Variants in CPT2 observed in about 807,000 individuals in gnomAD.
The protein encoded by CPT2 is carnitine palmitoyltransferase 2.
A neutral mutation model predicts 48.6 loss-of-function variants in CPT2; 37 were observed. The observed-to-expected ratio is 0.76, with a 90% CI of 0.59 to 1.00. CPT2 has a LOEUF of 1.00. CPT2 is among the 50% of genes least tolerant of loss of function. The pLI is 0.00. For synonymous variants in CPT2, 319 were observed against 326.9 expected, an observed-to-expected ratio of 0.98 and a Z score of 0.26; for missense variants, 772 against 825.6, an observed-to-expected ratio of 0.94 and a Z score of 0.80.
Position 53,210,018 on chromosome 1 carries a change from C to G in CPT2, c.344C>G (p.Pro115Arg). The G allele has an allele frequency of 1.2e-6, 2 of 1,612,378 alleles. No homozygotes were observed. The highest frequency in any genetic ancestry group is 1.7e-6 in the Non-Finnish European group (2 of 1,179,010). Residue 115 changes from proline (P) to arginine (R), a missense_variant, in exon 4 of 5, where the codon CCC (proline) becomes CGC (arginine). Pro to Arg is a moderately radical substitution (Grantham distance 103). Coordinates refer to ENST00000371486, the MANE Select transcript of CPT2 (RefSeq NM_000098.3). ...QNKHTSYISG[P>R]WFDMYLSARD... ...TTTTTTTCTTTTTATTTTTTAGGACCCTGGTTTGATATGTACCTATCTGCT... is the reference window on the plus strand; with the variant it reads ...TTTTTTTCTTTTTATTTTTTAGGACGCTGGTTTGATATGTACCTATCTGCT...
intron 1 of CPT2, chr1:53,197,303 A>C (rs1414079675): frequency 6.1e-6 from 4 of 657,550 alleles, no homozygotes; most frequent in Non-Finnish European, 1.1e-5. Flanking sequence ...TCTCTTCCAG[A>C]ACCCCTCGAT....
intron 3 of CPT2, among the ~76,000 whole-genome samples, chr1:53,205,914 G>A (rs556114926): frequency 6.6e-6 from 1 of 152,332 alleles, no homozygotes; most frequent in East Asian, 1.9e-4. Flanking sequence ...CGGGTGCGGT[G>A]GCTCACGCCT....
At position 53,213,464 on chromosome 1, in the gene CPT2, G is replaced by A. The variant is rs1645443799; in HGVS notation, c.1846G>A (p.Val616Ile). The change falls in exon 5 of 5, where the codon GTT becomes ATT. Residue 616 changes from valine to isoleucine, a missense_variant. Coordinates refer to ENST00000371486, the MANE Select transcript of CPT2 (RefSeq NM_000098.3). ...TGATGGCTTTGGTGTTGGGTATGCTGTTCATGACAACTGGATAGGCTGCAA... is the reference window on the plus strand; with the variant it reads ...TGATGGCTTTGGTGTTGGGTATGCTATTCATGACAACTGGATAGGCTGCAA... Reference protein sequence around the residue: ...VSDGFGVGYAVHDNWIGCNVS... With the variant: ...VSDGFGVGYAIHDNWIGCNVS... 7 of 1,614,274 alleles carry A rather than the reference G, an allele frequency of 4.3e-6. No individual in the cohort carries two copies. Among genetic ancestry groups the A allele is most frequent in the Non-Finnish European group, 5.9e-6 (7 of 1,180,054 alleles).
chr1:53,204,199 GT>G (rs1040457655), intron 3 of CPT2: 1 of 151,376 alleles, frequency 6.6e-6, no homozygotes, highest in Non-Finnish European at 1.5e-5. Context: ...TTTTTTCTCT[GT>G]TTTTTCTTTG....
Position 53,200,684 on chromosome 1 carries a change from C to T in CPT2, c.153-35C>T, listed in dbSNP as rs1018813626. On this transcript the variant is annotated intron_variant, in intron 1 of 4. Coordinates refer to ENST00000371486, the MANE Select transcript of CPT2 (RefSeq NM_000098.3). ...AAAGCTAATTAACCTCTTCCATATA[C>T]TGTCAGCCTTACACTGACCCTGCTT... 3 of 1,485,472 alleles carry T rather than the reference C, an allele frequency of 2.0e-6. No individual in the cohort carries two copies. In the African/African-American group the frequency reaches 4.2e-5, roughly 21 times the overall value. The allele number at this position is 1,485,472 out of a possible 1,614,324, so 92.0% of individuals were successfully genotyped here. A position where few individuals can be genotyped will look rare whatever the true frequency, so the allele number is the denominator to read the frequency against.
chr1:53,213,296 C>T lies in CPT2; in HGVS notation c.1678C>T (p.Arg560Trp), dbSNP rs759016933. The change falls in exon 5 of 5, where the codon CGG becomes TGG. Residue 560 changes from arginine to tryptophan, a missense_variant. Coordinates refer to ENST00000371486, the MANE Select transcript of CPT2 (RefSeq NM_000098.3). ...CTTTGACCGACACTTGTTTGCTCTG[C>T]GGCATCTGGCAGCAGCCAAAGGGAT... Reference protein sequence around the residue: ...QGFDRHLFALRHLAAAKGIIL... With the variant: ...QGFDRHLFALWHLAAAKGIIL... 2.1e-5 allele frequency: 34 copies of T among 1,614,040 alleles called. No individual in the cohort carries two copies. Among genetic ancestry groups the T allele is most frequent in the East Asian group, 8.9e-5 (4 of 44,872 alleles).
intron 3 of CPT2, chr1:53,203,781 CTTTTTT>C (rs1553169188): frequency 4.3e-4 from 32 of 73,620 alleles, no homozygotes; most frequent in African/African-American, 8.9e-4. Flanking sequence ...TTTTCTTTTT[CTTTTTT>C]TTTTTTTTTA....
At chr1:53,209,754 C>T (rs879803440) in intron 3 of CPT2, 70 of 449,168 alleles carry the variant, frequency 1.6e-4, no homozygotes, top group Admixed American at 4.2e-4. Context: ...CCAGCCTGGG[C>T]GACAGGAGCG....
intron 3 of CPT2, chr1:53,208,629 G>A (rs1445575257): frequency 3.3e-5 from 5 of 152,272 alleles, no homozygotes; most frequent in East Asian, 3.9e-4. Context: ...CCCCCTTATC[G>A]GGGAGCAATC....
At position 53,206,818 on chromosome 1, in the gene CPT2, G is replaced by A. The variant is rs1645392766; in HGVS notation, c.341-3197G>A. Among the ~76,000 whole-genome samples, 4 of 152,344 alleles carry A rather than the reference G, an allele frequency of 2.6e-5. No individual in the cohort carries two copies. In the South Asian group the frequency reaches 8.3e-4, roughly 32 times the overall value. The stretch of plus-strand genomic sequence containing the variant: ...ATGAGACTTTGGCTTGTAATTTTGA[G>A]TTAATGCTGGAATGAGTTAAGACTC... On this transcript the variant is annotated intron_variant, in intron 3 of 4. Coordinates refer to ENST00000371486, the MANE Select transcript of CPT2 (RefSeq NM_000098.3).
At chr1:53,206,240 A>G (rs1018808195) in intron 3 of CPT2, among the ~76,000 whole-genome samples, 5 of 151,896 alleles carry the variant, frequency 3.3e-5, no homozygotes, top group Non-Finnish European at 5.9e-5. Flanking sequence ...GGCTATATGG[A>G]AACACCTGGA....
chr1:53,199,942 C>G (rs565546278), intron 1 of CPT2: 1 of 152,176 alleles, frequency 6.6e-6, no homozygotes, highest in Non-Finnish European at 1.5e-5. Context: ...TAGAGGCAGC[C>G]TAACAAACTC....
intron 3 of CPT2, among the ~76,000 whole-genome samples, chr1:53,204,721 T>C (rs987717155): frequency 2.0e-4 from 31 of 152,236 alleles, no homozygotes; most frequent in African/African-American, 6.7e-4. Flanking sequence ...AGGGAGGTGA[T>C]TGGATCATGG....
In CPT2 at chr1:53,200,724, C is replaced by G. The variant is rs1645349616; in HGVS notation, c.158C>G (p.Pro53Arg). 1.2e-6 allele frequency: 2 copies of G among 1,613,594 alleles called. No individual in the cohort carries two copies. The highest frequency in any genetic ancestry group is 1.7e-6 in the Non-Finnish European group (2 of 1,179,538). Residue 53 changes from proline to arginine, a missense_variant, in exon 2 of 5, where the codon CCT (proline) becomes CGT (arginine). Physicochemically the swap from Pro to Arg is moderately radical, Grantham distance 103 (BLOSUM62 -2). Transcript: ENST00000371486. ...TGACCCTGCTTTCTCCCCAGGCTGC[C>G]TATTCCCAAACTTGAAGACACCATT... ...MHYQDSLPRL[P>R]IPKLEDTIRR... is the part of the protein sequence containing the mutation.
At position 53,197,143 on chromosome 1, in the gene CPT2, G is replaced by T. The variant is rs377247691; in HGVS notation, c.152+48G>T. On this transcript the variant is annotated intron_variant, in intron 1 of 4. Transcript: ENST00000371486. ...CGCCGCCCGCCGCCGTCCCAGGATCGGCCCCAACCTGACTGCAGTCACTCA... is the reference window on the plus strand; with the variant it reads ...CGCCGCCCGCCGCCGTCCCAGGATCTGCCCCAACCTGACTGCAGTCACTCA... The T allele has an allele frequency of 7.2e-5, 111 of 1,534,840 alleles. 1 individual carries two copies. In the African/African-American group the frequency reaches 1.3e-3, roughly 18 times the overall value.
rs200596483 is a variant in CPT2, at chr1:53,211,326, C to T, written c.1645+7C>T. ...ACCAAAGAAGCAGCAATGGGTGAGG[C>T]AGGGGTGGGGAGCATGCCCTTGGGT... On this transcript the variant is annotated splice_region_variant and intron_variant, in intron 4 of 4. Transcript: ENST00000371486. 5.3e-5 allele frequency: 84 copies of T among 1,593,330 alleles called. No homozygotes were observed. The highest frequency in any genetic ancestry group is 6.9e-5 in the Non-Finnish European group (81 of 1,170,556).
intron 3 of CPT2, chr1:53,204,436 ATTTTT>A (rs1049329545): frequency 2.0e-5 from 3 of 151,426 alleles, no homozygotes; most frequent in East Asian, 3.9e-4. Flanking sequence ...ATCTCTGATA[ATTTTT>A]TTTTAAGATC....
intron 1 of CPT2, among the ~76,000 whole-genome samples, chr1:53,198,885 C>T (rs898724910): frequency 2.4e-4 from 36 of 152,192 alleles, no homozygotes; most frequent in Non-Finnish European, 3.7e-4. Context: ...AGATGAGATT[C>T]CTTCTGTCGC....
intron 3 of CPT2, chr1:53,209,563 G>A: frequency 4.8e-6 from 1 of 209,616 alleles, no homozygotes; most frequent in Non-Finnish European, 9.7e-6. Flanking sequence ...ATCACCTGAG[G>A]TCAGGAGTTT....
Sources: gnomAD v4.1 joint callset for allele counts (sites outside exome capture counted in the v4.1 genomes callset) on GRCh38, gnomAD v4.1.1 for gene constraint, MANE v1.5 for transcripts, NCBI Gene and HGNC (gene_info 2026-07-23, HGNC 2026-07-21) for gene names.